The following HECW1 variants were observed in gnomAD, a reference collection of about 807,000 sequenced individuals.
The protein encoded by HECW1 is E3 ubiquitin-protein ligase HECW1.
Under a neutral mutation model 182.3 loss-of-function variants are expected in HECW1, and 61 were observed. That is an observed-to-expected ratio of 0.33 (90% CI 0.27 to 0.41). The LOEUF (loss-of-function observed/expected upper bound fraction) is 0.41, where lower values mean the gene tolerates loss of function less well. HECW1 is among the 10% of genes least tolerant of loss of function. HECW1 has a pLI of 1.00. For synonymous variants in HECW1, 859 were observed against 832.6 expected (o/e 1.03, Z -0.55); for missense variants, 1,739 against 2,108.9 (o/e 0.82, Z 3.44).
At chr7:43,414,009 G>A (rs896902006) in intron 8 of HECW1, among the ~76,000 whole-genome samples, 19 of 150,808 alleles carry the variant, frequency 1.3e-4, no homozygotes, top group African/African-American at 3.7e-4. Flanking sequence ...TTGGTAGCTT[G>A]ATGGGGATGG....
At chr7:43,355,124 G>C (rs1462179774) in intron 5 of HECW1, among the ~76,000 whole-genome samples, 1 of 151,252 alleles carries the variant, frequency 6.6e-6, no homozygotes, top group African/African-American at 2.4e-5. Context: ...GAGAAACAAA[G>C]GCTAAAAGAA....
rs1349066552 is a variant in HECW1, at chr7:43,383,119, T to C, written c.556-13695T>C. Among the ~76,000 whole-genome samples, 3 of 152,254 alleles carry C rather than the reference T, an allele frequency of 2.0e-5. No individual in the cohort carries two copies. The East Asian group carries it at 5.8e-4, about 29-fold the overall frequency. On this transcript the variant is annotated intron_variant, in intron 6 of 29. Transcript: ENST00000395891. ...CTGCAAAGGACATGAACTCATTATT[T>C]TTTTATGGCAGCATAGTATTCCATG... is the stretch of plus-strand genomic sequence containing the variant.
chr7:43,328,256 G>A (rs1459638817), intron 5 of HECW1, among the ~76,000 whole-genome samples: 1 of 152,078 alleles, frequency 6.6e-6, no homozygotes, highest in African/African-American at 2.4e-5. Context: ...GAGCTGGGGA[G>A]GTCTGCAGTC....
chr7:43,185,918 T>C (rs1212097104), intron 2 of HECW1, among the ~76,000 whole-genome samples: 4 of 152,202 alleles, frequency 2.6e-5, no homozygotes, highest in African/African-American at 9.7e-5. Flanking sequence ...AATTTAACAA[T>C]CTTCTCTCAC....
intron 3 of HECW1, among the ~76,000 whole-genome samples, chr7:43,309,654 A>G (rs10951723): frequency 0.051 from 7,704 of 152,336 alleles, 233 homozygotes; most frequent in Middle Eastern, 0.079. Flanking sequence ...CCTTACAAAT[A>G]AAGGAGCCTC....
At chr7:43,198,980 C>T (rs1391262587) in intron 2 of HECW1, among the ~76,000 whole-genome samples, 1 of 152,196 alleles carries the variant, frequency 6.6e-6, no homozygotes, top group Non-Finnish European at 1.5e-5. Context: ...TGTTCAATAA[C>T]GCTAAGCTAA....
intron 5 of HECW1, among the ~76,000 whole-genome samples, chr7:43,340,227 T>C (rs1473126594): frequency 1.3e-4 from 12 of 89,798 alleles, no homozygotes; most frequent in Non-Finnish European, 1.8e-4. Flanking sequence ...CCCCCACCCC[T>C]TTTTTTTTTC....
intron 24 of HECW1, among the ~76,000 whole-genome samples, chr7:43,524,769 T>C (rs1235204924): frequency 6.6e-6 from 1 of 152,252 alleles, no homozygotes; most frequent in Non-Finnish European, 1.5e-5. Context: ...TTGGGGCTAT[T>C]GTTTCACCTC....
intron 3 of HECW1, among the ~76,000 whole-genome samples, chr7:43,290,263 C>T (rs1469398753): frequency 1.3e-5 from 2 of 152,122 alleles, no homozygotes; most frequent in Non-Finnish European, 2.9e-5. Context: ...TTTATTTTCT[C>T]CAGGGTCTGC....
chr7:43,115,985 A>G lies in HECW1; in HGVS notation c.-32+1594A>G, dbSNP rs1017167273. Among the ~76,000 whole-genome samples, 9 of 152,290 alleles carry G rather than the reference A, an allele frequency of 5.9e-5. 1 individual carries two copies. The highest frequency in any genetic ancestry group is 5.9e-4 in the Admixed American group (9 of 15,300). On this transcript the variant is annotated intron_variant, in intron 2 of 29. Coordinates refer to ENST00000395891, the MANE Select transcript of HECW1 (RefSeq NM_015052.5). The stretch of plus-strand genomic sequence containing the variant: ...CACCTAGCAGTTTGCCTGGTACATC[A>G]TGTGTTCTCAGAAATGTTTATTGAG...
chr7:43,471,479 G>T (rs1436713610), intron 16 of HECW1, among the ~76,000 whole-genome samples: 1 of 152,202 alleles, frequency 6.6e-6, no homozygotes, highest in African/African-American at 2.4e-5. Flanking sequence ...GAAGTAGAAG[G>T]GATGGGCAGA....
At chr7:43,190,517 A>G (rs1793813662) in intron 2 of HECW1, among the ~76,000 whole-genome samples, 1 of 152,238 alleles carries the variant, frequency 6.6e-6, no homozygotes, top group Non-Finnish European at 1.5e-5. Flanking sequence ...GAAAAATGAC[A>G]ATGAAATACA....
intron 2 of HECW1, among the ~76,000 whole-genome samples, chr7:43,233,248 T>C (rs1255452980): frequency 6.6e-5 from 10 of 152,342 alleles, no homozygotes; most frequent in Non-Finnish European, 1.0e-4. Flanking sequence ...TCTTGCCTCA[T>C]TAGCCCTCCA....
chr7:43,346,508 G>A (rs547002536), intron 5 of HECW1, among the ~76,000 whole-genome samples: 1 of 152,138 alleles, frequency 6.6e-6, no homozygotes, highest in East Asian at 1.9e-4. Context: ...TAGGTCCTAG[G>A]TATTTATCTT....
Position 43,213,681 on chromosome 7 carries a change from G to A in HECW1, c.-31-30194G>A, listed in dbSNP as rs368798804. ...AGGATGGTCTCGATCTCCTGACCTC[G>A]TGATCCACCCGCCTCAGCCTCCAAA... is the stretch of plus-strand genomic sequence containing the variant. On this transcript the variant is annotated intron_variant, in intron 2 of 29. Transcript: ENST00000395891. Among the ~76,000 whole-genome samples the A allele has an allele frequency of 1.9e-3, 284 of 151,926 alleles. 1 individual carries two copies. Among genetic ancestry groups the A allele is most frequent in the African/African-American group, 6.4e-3 (266 of 41,468 alleles).
At chr7:43,513,671 T>G (rs2079991039) in intron 24 of HECW1, among the ~76,000 whole-genome samples, 1 of 151,808 alleles carries the variant, frequency 6.6e-6, no homozygotes, top group South Asian at 2.1e-4. Context: ...AAAAACTGTT[T>G]GTGGGTTTTG....
In HECW1 at chr7:43,444,446, CAGG is replaced by C; in HGVS notation, c.1277_1279del (p.Gly426del). On this transcript the variant is annotated inframe_deletion, in exon 11 of 30. Coordinates refer to ENST00000395891, the MANE Select transcript of HECW1 (RefSeq NM_015052.5). The surrounding 1 kb of genome is among the most constrained non-coding windows in gnomAD (Gnocchi z 4.3). ...GAGGAAGCAGCAGTCATCACGGAGG[CAGG>C]AGACCAGGGCATGGTCTCTGTGGGA... 1 of 1,613,762 alleles carries C rather than the reference CAGG, an allele frequency of 6.2e-7. No homozygotes were observed. Among genetic ancestry groups the C allele is most frequent in the Non-Finnish European group, 8.5e-7 (1 of 1,179,886 alleles).
chr7:43,536,139 GGTT>G (rs1242120458), intron 24 of HECW1, among the ~76,000 whole-genome samples: 3 of 152,038 alleles, frequency 2.0e-5, no homozygotes, highest in Admixed American at 6.5e-5. Context: ...GAAAGGATTT[GGTT>G]GTTGTTGTTA....
intron 3 of HECW1, among the ~76,000 whole-genome samples, chr7:43,260,901 A>G (rs1801101829): frequency 6.6e-6 from 1 of 152,248 alleles, no homozygotes; most frequent in South Asian, 2.1e-4. Flanking sequence ...CATAGTGCCT[A>G]TTGTGTGCCA....
Sources: allele counts gnomAD v4.1 joint callset (sites outside exome capture counted in the v4.1 genomes callset), GRCh38; gene constraint gnomAD v4.1.1; non-coding constraint Gnocchi (gnomAD v3.1); transcripts MANE v1.5; gene names NCBI Gene and HGNC (gene_info 2026-07-23, HGNC 2026-07-21).